The following C2orf42 variants were observed in gnomAD, a reference collection of about 807,000 sequenced individuals.
The protein encoded by C2orf42 is chromosome 2 open reading frame 42, also known as uncharacterized protein C2orf42.
In C2orf42, 44 loss-of-function variants were observed where a neutral mutation model predicts 58.9. The observed-to-expected ratio is 0.75, with a 90% CI of 0.59 to 0.96. The LOEUF is 0.96. Among genes scored for constraint, C2orf42 ranks in the 40% least tolerant of loss-of-function variants. The pLI, the probability that C2orf42 is intolerant of heterozygous loss-of-function variation, is 0.00. For synonymous variants in C2orf42, 239 were observed against 265.4 expected (o/e 0.90, Z 0.97); for missense variants, 630 against 699.2 (o/e 0.90, Z 1.12).
intron 9 of C2orf42, among the ~76,000 whole-genome samples, chr2:70,156,482 C>G (rs1672684392): frequency 6.6e-6 from 1 of 151,930 alleles, no homozygotes; most frequent in Non-Finnish European, 1.5e-5. Flanking sequence ...AGCAACATGG[C>G]AAGACCCTGT....
chr2:70,155,517 G>T (rs1672605127), intron 9 of C2orf42, among the ~76,000 whole-genome samples: 1 of 152,106 alleles, frequency 6.6e-6, no homozygotes, highest in African/African-American at 2.4e-5. Flanking sequence ...TACAAAATTA[G>T]GCCGGGTGTG....
chr2:70,175,668 C>T lies in C2orf42; in HGVS notation c.1039+5G>A, dbSNP rs1408156694. 1 of 1,582,704 alleles carries T rather than the reference C, an allele frequency of 6.3e-7. No homozygotes were observed. Among genetic ancestry groups the T allele is most frequent in the Admixed American group, 1.7e-5 (1 of 59,940 alleles). ...TGTAGCCTATTCTAGGGAAGGGAAA[C>T]TTACCCTGCCTTTTTAACGAGGAAG... On this transcript the variant is annotated splice_donor_5th_base_variant and intron_variant, in intron 5 of 9. Coordinates refer to ENST00000264434, the MANE Select transcript of C2orf42 (RefSeq NM_017880.3).
chr2:70,165,629 G>T lies in C2orf42; in HGVS notation c.1151C>A (p.Pro384Gln). The T allele has an allele frequency of 6.3e-7, 1 of 1,586,632 alleles. No homozygotes were observed. The highest frequency in any genetic ancestry group is 8.7e-7 in the Non-Finnish European group (1 of 1,155,470). Residue 384 changes from proline (P) to glutamine (Q), a missense_variant, in exon 7 of 10, where the codon CCA (proline) becomes CAA (glutamine). By Grantham distance (76) the Pro-to-Gln change is moderately conservative. Coordinates refer to ENST00000264434, the MANE Select transcript of C2orf42 (RefSeq NM_017880.3). ...AGGAATGTGGAACACCAATGGTTCTGGTTTGCCTATGGGAAACAAGAAGAA... is the reference window on the plus strand; with the variant it reads ...AGGAATGTGGAACACCAATGGTTCTTGTTTGCCTATGGGAAACAAGAAGAA... ...QTMHYQFDGK[P>Q]EPLVFHIPQS...
intron 9 of C2orf42, among the ~76,000 whole-genome samples, chr2:70,153,508 G>A (rs1290098866): frequency 3.3e-5 from 5 of 150,854 alleles, no homozygotes; most frequent in African/African-American, 1.2e-4. Context: ...ACAGGCGCCC[G>A]CCACCACGCC....
At chr2:70,167,767 A>T (rs1001838720) in intron 6 of C2orf42, among the ~76,000 whole-genome samples, 9 of 151,836 alleles carry the variant, frequency 5.9e-5, no homozygotes, top group African/African-American at 2.2e-4. Context: ...AACTTCAAAA[A>T]GGTAAAACAC....
At chr2:70,153,676 A>G (rs966566068) in intron 9 of C2orf42, among the ~76,000 whole-genome samples, 1 of 52,042 alleles carries the variant, frequency 1.9e-5, no homozygotes, top group Non-Finnish European at 3.4e-5. Context: ...ACAGGAAATT[A>G]AAAAAAAAAA....
intron 4 of C2orf42, among the ~76,000 whole-genome samples, chr2:70,176,740 T>G (rs1674219919): frequency 6.6e-6 from 1 of 152,076 alleles, no homozygotes; most frequent in Non-Finnish European, 1.5e-5. Context: ...GGGACCCTCC[T>G]GCCTCAGCTT....
intron 8 of C2orf42, among the ~76,000 whole-genome samples, chr2:70,163,380 G>A (rs1277384531): frequency 2.6e-5 from 4 of 151,750 alleles, no homozygotes; most frequent in African/African-American, 9.7e-5. Flanking sequence ...GAGTAGCTGG[G>A]ACTACAGGAG....
chr2:70,155,499 T>C (rs1057434525), intron 9 of C2orf42, among the ~76,000 whole-genome samples: 3 of 151,988 alleles, frequency 2.0e-5, no homozygotes, highest in Non-Finnish European at 4.4e-5. Flanking sequence ...AAGAATACTT[T>C]TGAAAAATAC....
At chr2:70,186,355 G>C (rs1674935740) in intron 1 of C2orf42, among the ~76,000 whole-genome samples, 1 of 151,798 alleles carries the variant, frequency 6.6e-6, no homozygotes, top group Non-Finnish European at 1.5e-5. Context: ...ATATATGAAA[G>C]AGCTTAGAAA....
intron 5 of C2orf42, among the ~76,000 whole-genome samples, chr2:70,172,862 C>CA (rs2104927823): frequency 6.6e-6 from 1 of 151,972 alleles, no homozygotes; most frequent in African/African-American, 2.4e-5. Flanking sequence ...AAGGAAGTGA[C>CA]AAAAAATTAT....
chr2:70,172,021 G>A (rs567727146), intron 5 of C2orf42, among the ~76,000 whole-genome samples: 1 of 151,144 alleles, frequency 6.6e-6, no homozygotes, highest in African/African-American at 2.4e-5. Flanking sequence ...TCAGGAATTC[G>A]AGACCAGCCT....
intron 5 of C2orf42, among the ~76,000 whole-genome samples, chr2:70,172,448 C>T (rs968700542): frequency 1.3e-5 from 2 of 152,052 alleles, no homozygotes; most frequent in East Asian, 1.9e-4. Flanking sequence ...GAGGCCGAGG[C>T]GGGTGGATCT....
At chr2:70,166,148 C>T (rs1334735311) in intron 6 of C2orf42, among the ~76,000 whole-genome samples, 2 of 151,790 alleles carry the variant, frequency 1.3e-5, no homozygotes, top group African/African-American at 4.8e-5. Flanking sequence ...CTCGGCCACC[C>T]AAAGTGCTGG....
intron 1 of C2orf42, among the ~76,000 whole-genome samples, chr2:70,189,983 A>G (rs1675235695): frequency 6.6e-6 from 1 of 152,128 alleles, no homozygotes; most frequent in Admixed American, 6.6e-5. Flanking sequence ...GTATCTATCT[A>G]GACACACACA....
At chr2:70,189,917 C>A (rs1675227907) in intron 1 of C2orf42, among the ~76,000 whole-genome samples, 1 of 149,814 alleles carries the variant, frequency 6.7e-6, no homozygotes, top group Non-Finnish European at 1.5e-5. Flanking sequence ...TTGTAATATG[C>A]TATTCTTGGT....
intron 7 of C2orf42, 33 bp downstream of exon 7, chr2:70,165,495 C>T (rs752589369): frequency 8.8e-7 from 1 of 1,132,372 alleles, no homozygotes; most frequent in Non-Finnish European, 1.3e-6. Context: ...ATGTTCGAGA[C>T]ATCCATCACT....
At chr2:70,187,549 G>C (rs1403462942) in intron 1 of C2orf42, among the ~76,000 whole-genome samples, 1 of 152,084 alleles carries the variant, frequency 6.6e-6, no homozygotes, top group East Asian at 1.9e-4. Context: ...ACTGTGCCCA[G>C]TCTTTTCTTT....
At chr2:70,167,970 C>T (rs982644676) in intron 6 of C2orf42, among the ~76,000 whole-genome samples, 2 of 151,694 alleles carry the variant, frequency 1.3e-5, no homozygotes, top group African/African-American at 4.8e-5. Context: ...CGGTGGTTCA[C>T]GCCTGTAATC....
Sources: gnomAD v4.1 joint callset for allele counts (sites outside exome capture counted in the v4.1 genomes callset) on GRCh38, gnomAD v4.1.1 for gene constraint, MANE v1.5 for transcripts, NCBI Gene and HGNC (gene_info 2026-07-23, HGNC 2026-07-21) for gene names.